Variants in SLC25A3 observed in about 807,000 individuals in gnomAD.
SLC25A3 encodes phosphate transport protein.
Under a neutral mutation model 37.1 loss-of-function variants are expected in SLC25A3, and 14 were observed. That is an observed-to-expected ratio of 0.38 (90% CI 0.25 to 0.59). SLC25A3 has a LOEUF of 0.59. SLC25A3 is among the 20% of genes least tolerant of loss of function. SLC25A3 has a pLI of 0.67. For missense variants in SLC25A3, 385 were observed against 458.1 expected (o/e 0.84, Z 1.46); for synonymous variants, 161 against 168.7 (o/e 0.95, Z 0.36).
intron 4 of SLC25A3, 113 bp downstream of exon 4, chr12:98,598,148 GT>G: frequency 9.8e-7 from 1 of 1,018,240 alleles, no homozygotes. Flanking sequence ...GTCCTACAAA[GT>G]GAGCAACTTG....
At position 98,603,804 on chromosome 12, in the gene SLC25A3, C is replaced by A. The variant is rs761961655; in HGVS notation, c.*2276C>A. ...CTTCATCCTCAAAACCCAAGAGGCC[C>A]ACTTAAAGTGATGCGAATTCTCATT... On this transcript the variant is annotated 3_prime_UTR_variant, in exon 8 of 8. Transcript: ENST00000552981. 1 of 152,108 alleles carries A rather than the reference C, an allele frequency of 6.6e-6. No homozygotes were observed. Among genetic ancestry groups the A allele is most frequent in the African/African-American group, 2.4e-5 (1 of 41,402 alleles). 9.4% of individuals were successfully genotyped at this position (152,108 alleles called of 1,614,324 possible). A position where few individuals can be genotyped will look rare whatever the true frequency, so the allele number is the denominator to read the frequency against.
At position 98,603,747 on chromosome 12, in the gene SLC25A3, T is replaced by TA. The variant is rs1206363214; in HGVS notation, c.*2220dup. 5 of 152,170 alleles carry TA rather than the reference T, an allele frequency of 3.3e-5. No individual in the cohort carries two copies. The highest frequency in any genetic ancestry group is 9.7e-5 in the African/African-American group (4 of 41,434). 9.4% of individuals were successfully genotyped at this position (152,170 alleles called of 1,614,324 possible). On this transcript the variant is annotated 3_prime_UTR_variant, in exon 8 of 8. Coordinates refer to ENST00000552981, the MANE Select transcript of SLC25A3 (RefSeq NM_002635.4). ...AGCCTGCCACTGTAGTTACTAGAGT[T>TA]ACGGTTCAAAGCTATTTCTGAGAGA...
At chr12:98,600,629 C>T (rs1201922976) in intron 6 of SLC25A3, among the ~76,000 whole-genome samples, 1 of 152,120 alleles carries the variant, frequency 6.6e-6, no homozygotes, top group Non-Finnish European at 1.5e-5. Flanking sequence ...CCAGGCTGGT[C>T]TCAAACTCCT....
chr12:98,598,223 TCTC>T (rs1254232624), intron 4 of SLC25A3, 188 bp downstream of exon 4: 9 of 688,948 alleles, frequency 1.3e-5, no homozygotes, highest in South Asian at 3.8e-5. Flanking sequence ...AAATTACAAT[TCTC>T]CTTTTAATAT....
Position 98,602,757 on chromosome 12 carries a change from T to G in SLC25A3, c.*1229T>G, listed in dbSNP as rs1267578446. Reference sequence around the variant, plus strand: ...CCTAGTGTAATATATAACATGCTGTTTTTCAAACACTAGATTTTACCTAGA... The same window carrying G: ...CCTAGTGTAATATATAACATGCTGTGTTTCAAACACTAGATTTTACCTAGA... On this transcript the variant is annotated 3_prime_UTR_variant, in exon 8 of 8. Coordinates refer to ENST00000552981, the MANE Select transcript of SLC25A3 (RefSeq NM_002635.4). 6.6e-6 allele frequency: 1 copy of G among 152,184 alleles called. No homozygotes were observed. The highest frequency in any genetic ancestry group is 1.5e-5 in the Non-Finnish European group (1 of 68,034). The allele number at this position is 152,184 out of a possible 1,614,324, so 9.4% of individuals were successfully genotyped here. A position where few individuals can be genotyped will look rare whatever the true frequency, so the allele number is the denominator to read the frequency against.
intron 2 of SLC25A3, 56 bp downstream of exon 2, chr12:98,594,191 C>CT: frequency 7.0e-7 from 1 of 1,425,382 alleles, no homozygotes; most frequent in Non-Finnish European, 9.7e-7. Flanking sequence ...GCCGCCCAGC[C>CT]TTTGAGGCCT....
At position 98,598,704 on chromosome 12, in the gene SLC25A3, G is replaced by T; in HGVS notation, c.641+1G>T. On this transcript the variant is annotated splice_donor_variant, in intron 5 of 7. Coordinates refer to ENST00000552981, the MANE Select transcript of SLC25A3 (RefSeq NM_002635.4). LOFTEE classifies it high-confidence loss of function. ...TGTATAAGGAAGAAGGCCTAAAAGC[G>T]TAAGTAAACACTTAAAAATTTATAC... 1 of 1,611,596 alleles carries T rather than the reference G, an allele frequency of 6.2e-7. No homozygotes were observed. Among genetic ancestry groups the T allele is most frequent in the Non-Finnish European group, 8.5e-7 (1 of 1,178,096 alleles).
chr12:98,597,416 CTTT>C (rs1160705083), intron 3 of SLC25A3: 9 of 152,194 alleles, frequency 5.9e-5, no homozygotes, highest in South Asian at 3.4e-4. Flanking sequence ...TACTGTATTT[CTTT>C]TTTTTTTTTT....
intron 2 of SLC25A3, chr12:98,595,426 C>T: frequency 1.2e-6 from 2 of 1,611,126 alleles, no homozygotes; most frequent in Admixed American, 1.7e-5. Context: ...TTTTTCCAAT[C>T]AAACAGAGCA....
intron 5 of SLC25A3, 114 bp downstream of exon 5, chr12:98,598,817 C>A: frequency 2.9e-6 from 3 of 1,039,324 alleles, no homozygotes; most frequent in Non-Finnish European, 2.8e-6. Context: ...GCTCTGTCAC[C>A]CAGGCTGGAG....
Position 98,601,085 on chromosome 12 carries a change from T to C in SLC25A3, c.815-86T>C, listed in dbSNP as rs975738221. The C allele has an allele frequency of 1.5e-5, 22 of 1,464,774 alleles. No homozygotes were observed. In the Admixed American group the frequency reaches 3.0e-4, roughly 20 times the overall value. The allele number at this position is 1,464,774 out of a possible 1,614,324, so 90.7% of individuals were successfully genotyped here. A position where few individuals can be genotyped will look rare whatever the true frequency, so the allele number is the denominator to read the frequency against. On this transcript the variant is annotated intron_variant, in intron 6 of 7. Transcript: ENST00000552981. ...TTTTTATTTTAGAACTAGAAAAATA[T>C]TATTTTAAAATCATAAAAATGATTA...
intron 3 of SLC25A3, 61 bp downstream of exon 3, chr12:98,595,909 C>T: frequency 6.8e-7 from 1 of 1,476,034 alleles, no homozygotes; most frequent in Non-Finnish European, 9.5e-7. Flanking sequence ...TAAATAAAAT[C>T]TTAAATGAGA....
At position 98,598,286 on chromosome 12, in the gene SLC25A3, C is replaced by T. The variant is rs74440450; in HGVS notation, c.460-236C>T. Reference sequence around the variant, plus strand: ...GGATTTTGAGTTTTTTAGAGAAGGGCTCTGGGACTCCTTTGCGTAGTTCCG... The same window carrying T: ...GGATTTTGAGTTTTTTAGAGAAGGGTTCTGGGACTCCTTTGCGTAGTTCCG... On this transcript the variant is annotated intron_variant, in intron 4 of 7. Transcript: ENST00000552981. The T allele has an allele frequency of 0.075, 52,761 of 703,686 alleles. 2,552 individuals are homozygous for T. Among genetic ancestry groups the T allele is most frequent in the Middle Eastern group, 0.15 (370 of 2,502 alleles). The allele number at this position is 703,686 out of a possible 1,614,324, so 43.6% of individuals were successfully genotyped here.
Position 98,593,711 on chromosome 12 carries a change from G to A in SLC25A3, c.-34G>A, listed in dbSNP as rs562933487. The A allele has an allele frequency of 7.5e-5, 42 of 561,090 alleles. No homozygotes were observed. The highest frequency in any genetic ancestry group is 7.5e-4 in the South Asian group (37 of 49,656). 34.8% of individuals were successfully genotyped at this position (561,090 alleles called of 1,614,324 possible). On this transcript the variant is annotated 5_prime_UTR_variant, in exon 1 of 8. Coordinates refer to ENST00000552981, the MANE Select transcript of SLC25A3 (RefSeq NM_002635.4). Reference sequence around the variant, plus strand: ...CTCTGTGAGCCGCAACCTTTCCAAGGGAGTGGTTGTGTGATCGCCATCTTA... The same window carrying A: ...CTCTGTGAGCCGCAACCTTTCCAAGAGAGTGGTTGTGTGATCGCCATCTTA...
At position 98,598,056 on chromosome 12, in the gene SLC25A3, T is replaced by C. The variant is rs567035597; in HGVS notation, c.459+21T>C. The stretch of plus-strand genomic sequence containing the variant: ...GAGAGGTATGTAATTAACTTTAAAA[T>C]TGAATGTTCCGAGTGTTTAAGACTT... On this transcript the variant is annotated intron_variant, in intron 4 of 7. Coordinates refer to ENST00000552981, the MANE Select transcript of SLC25A3 (RefSeq NM_002635.4). The C allele has an allele frequency of 8.8e-5, 142 of 1,610,046 alleles. 2 individuals are homozygous for C. In the South Asian group the frequency reaches 1.5e-3, roughly 17 times the overall value.
Position 98,595,451 on chromosome 12 carries a change from A to G in SLC25A3, c.158-276A>G, listed in dbSNP as rs776939388. The G allele has an allele frequency of 6.2e-6, 10 of 1,613,626 alleles. No homozygotes were observed. In the Admixed American group the frequency reaches 6.7e-5, roughly 11 times the overall value. On this transcript the variant is annotated intron_variant, in intron 2 of 7. Transcript: ENST00000552981. ...CAAACAGAGCAGTATAGCTGTGACTATGGATCTGGCAGATTCTTTATCCTT... is the reference window on the plus strand; with the variant it reads ...CAAACAGAGCAGTATAGCTGTGACTGTGGATCTGGCAGATTCTTTATCCTT...
chr12:98,603,394 C>G lies in SLC25A3; in HGVS notation c.*1866C>G, dbSNP rs2097599307. On this transcript the variant is annotated 3_prime_UTR_variant, in exon 8 of 8. Transcript: ENST00000552981. The stretch of plus-strand genomic sequence containing the variant: ...GCAGAGTTGGCTTTTTAGGACTTAT[C>G]CTTCAATGTCACATAACATCACTTT... The G allele has an allele frequency of 6.6e-6, 1 of 152,140 alleles. No individual in the cohort carries two copies. Among genetic ancestry groups the G allele is most frequent in the African/African-American group, 2.4e-5 (1 of 41,428 alleles). The allele number at this position is 152,140 out of a possible 1,614,324, so 9.4% of individuals were successfully genotyped here.
intron 2 of SLC25A3, chr12:98,595,405 C>T (rs183150042): frequency 6.2e-7 from 1 of 1,610,382 alleles, no homozygotes; most frequent in Non-Finnish European, 8.5e-7. Flanking sequence ...GAAATACTTA[C>T]TTGATTTTTT....
At chr12:98,596,636 A>G (rs935242210) in intron 3 of SLC25A3, among the ~76,000 whole-genome samples, 8 of 152,182 alleles carry the variant, frequency 5.3e-5, no homozygotes, top group African/African-American at 1.2e-4. Context: ...TAGTGTTCAC[A>G]AAACTTTATG....
Sources: allele counts gnomAD v4.1 joint callset (sites outside exome capture counted in the v4.1 genomes callset), GRCh38; gene constraint gnomAD v4.1.1; transcripts MANE v1.5; gene names NCBI Gene and HGNC (gene_info 2026-07-23, HGNC 2026-07-21).